KCNN1: variants seen among roughly 807,000 people sequenced by gnomAD.
The protein encoded by KCNN1 is potassium calcium-activated channel subfamily N member 1, also known as small conductance calcium-activated potassium channel protein 1.
Under a neutral mutation model 44.7 loss-of-function variants are expected in KCNN1, and 20 were observed. The ratio of observed to expected loss-of-function variants is 0.45; its 90% CI spans 0.32 to 0.65. The LOEUF (loss-of-function observed/expected upper bound fraction) is 0.65, where lower values mean the gene tolerates loss of function less well. Among genes scored for constraint, KCNN1 ranks in the 30% least tolerant of loss-of-function variants. The pLI is 0.05. For synonymous variants in KCNN1, 324 were observed against 341.7 expected (o/e 0.95, Z 0.57); for missense variants, 632 against 785.3 (o/e 0.80, Z 2.33).
At position 17,974,967 on chromosome 19, in the gene KCNN1, G is replaced by A. The variant is rs2032156805; in HGVS notation, c.403-125G>A. ...CTAGCAGAAATTCAGGGTACAGTGGGAGAAGCCACTGGGAAGAGCCCCATT... is the reference window on the plus strand; with the variant it reads ...CTAGCAGAAATTCAGGGTACAGTGGAAGAAGCCACTGGGAAGAGCCCCATT... On this transcript the variant is annotated intron_variant, in intron 2 of 9. Transcript: ENST00000684775. This position sits in a 1 kb window ranked among gnomAD's most constrained non-coding sequence, Gnocchi z 7.3. 2.1e-5 allele frequency: 15 copies of A among 698,006 alleles called. No homozygotes were observed. Among genetic ancestry groups the A allele is most frequent in the South Asian group, 2.1e-4 (13 of 61,186 alleles). 43.2% of individuals were successfully genotyped at this position (698,006 alleles called of 1,614,324 possible). A position where few individuals can be genotyped will look rare whatever the true frequency, so the allele number is the denominator to read the frequency against.
intron 2 of KCNN1, among the ~76,000 whole-genome samples, chr19:17,961,304 C>T (rs1295918539): frequency 3.3e-5 from 5 of 151,766 alleles, no homozygotes; most frequent in African/African-American, 1.2e-4. Flanking sequence ...AGGCCAGGCA[C>T]AGTGGTTCAC....
intron 5 of KCNN1, among the ~76,000 whole-genome samples, chr19:17,986,113 C>T (rs1672283487): frequency 1.3e-5 from 2 of 152,124 alleles, no homozygotes; most frequent in South Asian, 2.1e-4. Context: ...CACCTGTAAT[C>T]CCAGTACTTT....
At chr19:17,960,756 C>G (rs1182041684) in intron 2 of KCNN1, among the ~76,000 whole-genome samples, 1 of 152,154 alleles carries the variant, frequency 6.6e-6, no homozygotes, top group African/African-American at 2.4e-5. Flanking sequence ...TCAGGAGGAT[C>G]CTTTCCTGCC....
At chr19:17,954,862 A>G (rs1259104345) in intron 2 of KCNN1, among the ~76,000 whole-genome samples, 1 of 151,168 alleles carries the variant, frequency 6.6e-6, no homozygotes, top group Non-Finnish European at 1.5e-5. Context: ...ACATGGCGAA[A>G]CCCCGTGTCT....
At position 17,999,785 on chromosome 19, in the gene KCNN1, A is replaced by G. The variant is rs921399003; in HGVS notation, c.*1379A>G. ...TAGCCGAGGAGCCCCAGGTCCTGGC[A>G]GCCTCTGATAAGGCCATCCATCGCC... On this transcript the variant is annotated 3_prime_UTR_variant, in exon 10 of 10. Coordinates refer to ENST00000684775, the MANE Select transcript of KCNN1 (RefSeq NM_001386974.1). The G allele has an allele frequency of 8.7e-6, 3 of 344,368 alleles. No individual in the cohort carries two copies. The highest frequency in any genetic ancestry group is 6.4e-5 in the African/African-American group (3 of 46,674). 21.3% of individuals were successfully genotyped at this position (344,368 alleles called of 1,614,324 possible). A position where few individuals can be genotyped will look rare whatever the true frequency, so the allele number is the denominator to read the frequency against.
upstream of KCNN1, among the ~76,000 whole-genome samples, chr19:17,964,187 C>T (rs1269175188): frequency 2.0e-5 from 3 of 152,220 alleles, no homozygotes; most frequent in Non-Finnish European, 4.4e-5. This position sits in a 1 kb window ranked among gnomAD's most constrained non-coding sequence, Gnocchi z 4.3. Context: ...CTTACCCTTG[C>T]CATCCTGACA....
Position 17,999,671 on chromosome 19 carries a change from G to C in KCNN1, c.*1265G>C. The C allele has an allele frequency of 4.0e-6, 1 of 251,536 alleles. No homozygotes were observed. Among genetic ancestry groups the C allele is most frequent in the South Asian group, 4.2e-5 (1 of 23,732 alleles). 15.6% of individuals were successfully genotyped at this position (251,536 alleles called of 1,614,324 possible). A position where few individuals can be genotyped will look rare whatever the true frequency, so the allele number is the denominator to read the frequency against. On this transcript the variant is annotated 3_prime_UTR_variant, in exon 10 of 10. Coordinates refer to ENST00000684775, the MANE Select transcript of KCNN1 (RefSeq NM_001386974.1). Reference sequence around the variant, plus strand: ...AAGGTCCCTGGAGGCCATGGGCTTGGGTGCTGGGAGCAACAGGCATTTACT... The same window carrying C: ...AAGGTCCCTGGAGGCCATGGGCTTGCGTGCTGGGAGCAACAGGCATTTACT...
Position 17,981,844 on chromosome 19 carries a change from C to A in KCNN1, c.634C>A (p.Arg212=). The change falls in exon 4 of 10, where the codon CGG becomes AGG. Residue 212 remains arginine, a synonymous_variant. Transcript: ENST00000684775. ...PGHYRFTWTA[R]LAFTYAPSVA... is the part of the protein sequence containing the mutation. ...CCACTACCGCTTCACGTGGACGGCG[C>A]GGCTGGCCTTCACGTACGCGCCCTC... is the stretch of plus-strand genomic sequence containing the variant. 6.2e-7 allele frequency: 1 copy of A among 1,612,768 alleles called. No individual in the cohort carries two copies. The highest frequency in any genetic ancestry group is 1.1e-5 in the South Asian group (1 of 90,946).
chr19:17,988,018 G>A (rs1291193457), intron 5 of KCNN1, among the ~76,000 whole-genome samples: 1 of 151,442 alleles, frequency 6.6e-6, no homozygotes, highest in African/African-American at 2.4e-5. Flanking sequence ...AGCGGGATGT[G>A]GTGGTGCACG....
chr19:17,981,516 C>T (rs550966027), intron 3 of KCNN1, among the ~76,000 whole-genome samples, 193 bp from the exon 4 acceptor site: 7 of 149,444 alleles, frequency 4.7e-5, no homozygotes, highest in Non-Finnish European at 8.9e-5. Context: ...CGTGCCACTG[C>T]ACTCCAGCCT....
At chr19:17,980,960 T>TA (rs2032383835) in intron 3 of KCNN1, among the ~76,000 whole-genome samples, 3 of 152,172 alleles carry the variant, frequency 2.0e-5, no homozygotes, top group East Asian at 3.9e-4. Context: ...CTCACACGTG[T>TA]AATCCCAGCA....
At chr19:17,971,587 T>C (rs576454901) in intron 1 of KCNN1, among the ~76,000 whole-genome samples, 11 of 152,096 alleles carry the variant, frequency 7.2e-5, no homozygotes, top group Middle Eastern at 6.8e-3. Flanking sequence ...CTCAACCTCC[T>C]GAGTAGGTGG....
chr19:17,982,667 T>A (rs1259474458), intron 4 of KCNN1: 1 of 897,086 alleles, frequency 1.1e-6, no homozygotes, highest in Non-Finnish European at 1.3e-6. Context: ...TAAGATTAGC[T>A]GCCGCAAGGG....
intron 9 of KCNN1, among the ~76,000 whole-genome samples, chr19:17,996,160 T>C (rs2032981823): frequency 1.6e-5 from 2 of 127,736 alleles, no homozygotes; most frequent in African/African-American, 3.0e-5. Flanking sequence ...CAAAACTCCA[T>C]TGCTACAAAA....
rs1599367472 is a variant in KCNN1, at chr19:17,983,518, GA to G, written c.917+1393del. Among the ~76,000 whole-genome samples, 2 of 152,104 alleles carry G rather than the reference GA, an allele frequency of 1.3e-5. No homozygotes were observed. The highest frequency in any genetic ancestry group is 3.9e-4 in the East Asian group (2 of 5,194). On this transcript the variant is annotated intron_variant, in intron 4 of 9. Coordinates refer to ENST00000684775, the MANE Select transcript of KCNN1 (RefSeq NM_001386974.1). The surrounding 1 kb of genome is among the most constrained non-coding windows in gnomAD (Gnocchi z 4.5). Reference sequence around the variant, plus strand: ...CTCACACCCCTGATGGGTGGGGTCAGAACTAGGGTTAGGGGTATGGGGTGCC... The same window carrying G: ...CTCACACCCCTGATGGGTGGGGTCAGACTAGGGTTAGGGGTATGGGGTGCC...
At chr19:17,995,024 AT>A (rs755086618) in intron 9 of KCNN1, among the ~76,000 whole-genome samples, 2 of 152,138 alleles carry the variant, frequency 1.3e-5, no homozygotes, top group Non-Finnish European at 2.9e-5. Context: ...CTTGAGGCTA[AT>A]TTCATGTTAT....
At chr19:17,979,662 C>T (rs971736089) in intron 3 of KCNN1, among the ~76,000 whole-genome samples, 3 of 152,022 alleles carry the variant, frequency 2.0e-5, no homozygotes, top group African/African-American at 7.2e-5. Flanking sequence ...CTAGGACTGG[C>T]CCTGGATATG....
chr19:17,970,886 ATT>A (rs748603717), intron 1 of KCNN1, among the ~76,000 whole-genome samples: 9 of 136,630 alleles, frequency 6.6e-5, no homozygotes, highest in Non-Finnish European at 8.0e-5. Flanking sequence ...AGTGTAGCTC[ATT>A]TTTTTTTTTT....
At chr19:17,986,289 G>A (rs562004928) in intron 5 of KCNN1, among the ~76,000 whole-genome samples, 1 of 152,050 alleles carries the variant, frequency 6.6e-6, no homozygotes, top group African/African-American at 2.4e-5. Context: ...CTTGAACCCA[G>A]GAGGCAGAGG....
Sources: allele counts gnomAD v4.1 joint callset (sites outside exome capture counted in the v4.1 genomes callset), GRCh38; gene constraint gnomAD v4.1.1; non-coding constraint Gnocchi (gnomAD v3.1); transcripts MANE v1.5; gene names NCBI Gene and HGNC (gene_info 2026-07-23, HGNC 2026-07-21).